The following SLC25A24 variants were observed in gnomAD, a reference collection of about 807,000 sequenced individuals.
SLC25A24 encodes the protein solute carrier family 25 member 24.
In SLC25A24, 49 loss-of-function variants were observed where a neutral mutation model predicts 60.7. The ratio of observed to expected loss-of-function variants is 0.81; its 90% CI spans 0.64 to 1.02. The LOEUF is 1.02. Among genes scored for constraint, SLC25A24 ranks in the 50% least tolerant of loss-of-function variants. The probability of loss-of-function intolerance (pLI) is 0.00; values close to 1 mark genes in which losing one functional copy is unlikely to be tolerated. For missense variants in SLC25A24, 564 were observed against 586.3 expected, an observed-to-expected ratio of 0.96 and a Z score of 0.39; for synonymous variants, 202 against 200.6, an observed-to-expected ratio of 1.01 and a Z score of -0.06.
intron 2 of SLC25A24, among the ~76,000 whole-genome samples, chr1:108,184,292 C>A (rs1160495285): frequency 6.6e-6 from 1 of 152,204 alleles, no homozygotes; most frequent in Non-Finnish European, 1.5e-5. Flanking sequence ...CCTGCCATAG[C>A]AGCACACAGA....
At chr1:108,165,366 T>C (rs1293851384) in intron 3 of SLC25A24, among the ~76,000 whole-genome samples, 1 of 152,184 alleles carries the variant, frequency 6.6e-6, no homozygotes, top group Non-Finnish European at 1.5e-5. Flanking sequence ...TTCTGTCTCA[T>C]TGGTCTGTCT....
intron 3 of SLC25A24, among the ~76,000 whole-genome samples, chr1:108,178,425 C>A (rs1647780528): frequency 6.6e-6 from 1 of 152,164 alleles, no homozygotes; most frequent in Admixed American, 6.5e-5. Context: ...GGAACATGCA[C>A]CAGGGGATAT....
rs1419315659 is a variant in SLC25A24 at position 108,148,346 on chromosome 1, G to A, written c.863C>T (p.Thr288Ile). ...GGAACCAGAAATAAATCTCTCAAAT[G>A]TTCCTATTTTTTGTCCTTCTTCAGT... ...LLTEEGQKIG[T>I]FERFISGSMA... The change falls in exon 7 of 10, where the codon ACA (threonine) becomes ATA (isoleucine). Residue 288 changes from threonine (T) to isoleucine (I), a missense_variant. By Grantham distance (89) the Thr-to-Ile change is moderately conservative. Transcript: ENST00000565488. The A allele has an allele frequency of 1.2e-6, 2 of 1,613,040 alleles. No homozygotes were observed. Among genetic ancestry groups the A allele is most frequent in the Non-Finnish European group, 1.7e-6 (2 of 1,179,120 alleles).
At chr1:108,144,370 G>A (rs115127078) in intron 7 of SLC25A24, among the ~76,000 whole-genome samples, 1,543 of 151,796 alleles carry the variant, frequency 0.01, 20 homozygotes, top group African/African-American at 0.035. Flanking sequence ...AATATCTGTC[G>A]TTGCAAGCCT....
At chr1:108,196,023 A>T (rs1177577262) in intron 1 of SLC25A24, among the ~76,000 whole-genome samples, 4 of 151,572 alleles carry the variant, frequency 2.6e-5, no homozygotes, top group Non-Finnish European at 5.9e-5. Flanking sequence ...AAAAAGCAAT[A>T]TTAATGAAAT....
intron 8 of SLC25A24, among the ~76,000 whole-genome samples, chr1:108,143,009 C>T (rs1679483784): frequency 6.6e-6 from 1 of 152,144 alleles, no homozygotes; most frequent in Non-Finnish European, 1.5e-5. Flanking sequence ...GAGTTTTAGT[C>T]GTTTGTCTCC....
At position 108,185,900 on chromosome 1, in the gene SLC25A24, A is replaced by G; in HGVS notation, c.238T>C (p.Phe80Leu). 6.3e-7 allele frequency: 1 copy of G among 1,597,534 alleles called. No homozygotes were observed. The highest frequency in any genetic ancestry group is 8.6e-7 in the Non-Finnish European group (1 of 1,168,476). ...NKDGKLDFEE[F>L]MKYLKDHEKK... ...TCATGGTCTTTAAGGTACTTCATAA[A>G]TTCTTCAAAATCCAGCTTCCCATCT... Residue 80 changes from phenylalanine (F) to leucine (L), a missense_variant, in exon 2 of 10, where the codon TTT becomes CTT. Physicochemically the swap from Phe to Leu is conservative, Grantham distance 22 (BLOSUM62 0). Coordinates refer to ENST00000565488, the MANE Select transcript of SLC25A24 (RefSeq NM_013386.5).
Position 108,192,789 on chromosome 1 carries a change from TG to T in SLC25A24, c.184-6836del, listed in dbSNP as rs1648387035. 2.3e-6 allele frequency: 3 copies of T among 1,297,388 alleles called. 1 individual carries two copies. In the East Asian group the frequency reaches 1.2e-4, roughly 50 times the overall value. The allele number at this position is 1,297,388 out of a possible 1,614,324, so 80.4% of individuals were successfully genotyped here. ...AATGCACCTTCATCGGTTAAAGCTC[TG>T]GAAGGAGAGGGCTCATCCTAACGGC... On this transcript the variant is annotated intron_variant, in intron 1 of 9. Coordinates refer to ENST00000565488, the MANE Select transcript of SLC25A24 (RefSeq NM_013386.5).
intron 3 of SLC25A24, among the ~76,000 whole-genome samples, chr1:108,167,462 C>G (rs944184342): frequency 6.6e-5 from 10 of 152,358 alleles, no homozygotes; most frequent in African/African-American, 2.4e-4. Flanking sequence ...GTGTAGGACC[C>G]TCCGAGCCAG....
intron 1 of SLC25A24, chr1:108,199,152 T>A (rs61799377): frequency 0.22 from 34,078 of 152,094 alleles, 4,619 homozygotes; most frequent in East Asian, 0.47. Flanking sequence ...GGCCTATAAC[T>A]ACCAAAGACA....
chr1:108,145,833 C>T (rs1050916386), intron 7 of SLC25A24, among the ~76,000 whole-genome samples: 3 of 152,082 alleles, frequency 2.0e-5, no homozygotes, highest in Non-Finnish European at 2.9e-5. Context: ...AGTCAGGTAG[C>T]GTGATGCCTC....
At chr1:108,190,596 AG>A (rs1648312461) in intron 1 of SLC25A24, among the ~76,000 whole-genome samples, 1 of 152,224 alleles carries the variant, frequency 6.6e-6, no homozygotes, top group South Asian at 2.1e-4. Flanking sequence ...CAACTTTCAC[AG>A]GAAAAAACAA....
rs543081479 is a variant in SLC25A24 at position 108,134,350 on chromosome 1, T to C, written c.*2303A>G. On this transcript the variant is annotated 3_prime_UTR_variant, in exon 10 of 10. Transcript: ENST00000565488. The stretch of plus-strand genomic sequence containing the variant: ...AATGCAGAATTTCTCTGCAGTCTTA[T>C]GTTTTAATTTTTAAATCAAATTTTG... 37 of 152,354 alleles carry C rather than the reference T, an allele frequency of 2.4e-4. No individual in the cohort carries two copies. The highest frequency in any genetic ancestry group is 8.9e-4 in the African/African-American group (37 of 41,588). 9.4% of individuals were successfully genotyped at this position (152,354 alleles called of 1,614,324 possible). A position where few individuals can be genotyped will look rare whatever the true frequency, so the allele number is the denominator to read the frequency against.
intron 3 of SLC25A24, among the ~76,000 whole-genome samples, chr1:108,166,257 T>C (rs1293900575): frequency 1.3e-5 from 2 of 151,964 alleles, no homozygotes; most frequent in Non-Finnish European, 2.9e-5. Flanking sequence ...TTGGTGAATC[T>C]GACAATTATG....
rs1321998477 is a variant in SLC25A24 at position 108,191,735 on chromosome 1, A to G, written c.184-5781T>C. Among the ~76,000 whole-genome samples, 2 of 140,032 alleles carry G rather than the reference A, an allele frequency of 1.4e-5. 1 individual carries two copies. Among genetic ancestry groups the G allele is most frequent in the Admixed American group, 1.6e-4 (2 of 12,438 alleles). The allele number at this position is 140,032 out of a possible 152,430, so 91.9% of individuals were successfully genotyped here. ...GACAGTTTTTTGGGCACGAAGTACC[A>G]ATTATCCAAAATAAACTCAATAGTC... On this transcript the variant is annotated intron_variant, in intron 1 of 9. Coordinates refer to ENST00000565488, the MANE Select transcript of SLC25A24 (RefSeq NM_013386.5).
At chr1:108,162,634 T>C (rs1415150144) in intron 3 of SLC25A24, among the ~76,000 whole-genome samples, 1 of 152,204 alleles carries the variant, frequency 6.6e-6, no homozygotes, top group Non-Finnish European at 1.5e-5. Flanking sequence ...CACTTTTTGA[T>C]AGGGTTGTTT....
chr1:108,142,140 C>T (rs1190794178), intron 8 of SLC25A24, among the ~76,000 whole-genome samples: 2 of 152,036 alleles, frequency 1.3e-5, no homozygotes, highest in South Asian at 2.1e-4. Context: ...TTAATAAGGA[C>T]GTGGAAAAAC....
intron 7 of SLC25A24, among the ~76,000 whole-genome samples, chr1:108,146,965 G>C (rs570623788): frequency 6.6e-6 from 1 of 152,048 alleles, no homozygotes; most frequent in African/African-American, 2.4e-5. Flanking sequence ...TTTTTCTATT[G>C]TTTGAATAAT....
rs1161195894 is a variant in SLC25A24, at chr1:108,160,295, C to T, written c.510+887G>A. Among the ~76,000 whole-genome samples, 187 of 150,090 alleles carry T rather than the reference C, an allele frequency of 1.2e-3. 1 individual carries two copies. The highest frequency in any genetic ancestry group is 4.1e-3 in the African/African-American group (168 of 40,622). On this transcript the variant is annotated intron_variant, in intron 4 of 9. Transcript: ENST00000565488. ...CAGACGATGGGCGGCCGGGCAGAGA[C>T]GCTCCTCACTTCCTAGATGGGATGG...
Sources: allele counts gnomAD v4.1 joint callset (sites outside exome capture counted in the v4.1 genomes callset), GRCh38; gene constraint gnomAD v4.1.1; transcripts MANE v1.5; gene names NCBI Gene and HGNC (gene_info 2026-07-23, HGNC 2026-07-21).